ACADVL: variants seen among roughly 807,000 people sequenced by gnomAD.
The protein encoded by ACADVL is acyl-CoA dehydrogenase very long chain, also known as very long-chain acyl-CoA dehydrogenase, mitochondrial.
ACADVL carries 73 observed loss-of-function variants against 80.4 expected under a neutral mutation model. That is an observed-to-expected ratio of 0.91 (90% CI 0.75 to 1.10). ACADVL has a LOEUF of 1.10. ACADVL is among the 50% of genes least tolerant of loss of function. The probability of loss-of-function intolerance (pLI) is 0.00; values close to 1 mark genes in which losing one functional copy is unlikely to be tolerated. For missense variants in ACADVL, 878 were observed against 858.9 expected (o/e 1.02, Z -0.28); for synonymous variants, 392 against 326.5 (o/e 1.20, Z -2.16).
At position 7,219,969 on chromosome 17, in the gene ACADVL, C is replaced by G; in HGVS notation, c.-16C>G. On this transcript the variant is annotated 5_prime_UTR_variant, in exon 1 of 20. Coordinates refer to ENST00000356839, the MANE Select transcript of ACADVL (RefSeq NM_000018.4). ...GGGTCAGAGCTCGAGCCAGCGGCGCCCGGAGAGATTCGGAGATGCAGGCGG... is the reference window on the plus strand; with the variant it reads ...GGGTCAGAGCTCGAGCCAGCGGCGCGCGGAGAGATTCGGAGATGCAGGCGG... The G allele has an allele frequency of 1.3e-6, 2 of 1,597,366 alleles. No individual in the cohort carries two copies. The highest frequency in any genetic ancestry group is 8.5e-7 in the Non-Finnish European group (1 of 1,176,032).
At position 7,224,247 on chromosome 17, in the gene ACADVL, G is replaced by T. The variant is rs1384916067; in HGVS notation, c.1532+4G>T. The T allele has an allele frequency of 1.9e-6, 3 of 1,613,788 alleles. No individual in the cohort carries two copies. In the South Asian group the frequency reaches 3.3e-5, roughly 18 times the overall value. On this transcript the variant is annotated splice_donor_region_variant and intron_variant, in intron 15 of 19. Coordinates refer to ENST00000356839, the MANE Select transcript of ACADVL (RefSeq NM_000018.4). ...AGGCAGGCAAACAGCTGAGGCGGTA[G>T]GCTTAGGGCCAGAGCCAGGGGAGGG... is the stretch of plus-strand genomic sequence containing the variant.
In ACADVL at chr17:7,222,258, G is replaced by A. The variant is rs1423519889; in HGVS notation, c.834G>A (p.Lys278=). The change falls in exon 9 of 20, where the codon AAG becomes AAA. Residue 278 remains lysine (K), a synonymous_variant. Coordinates refer to ENST00000356839, the MANE Select transcript of ACADVL (RefSeq NM_000018.4). The part of the protein sequence containing the change: ...TDPATGAVKE[K]ITAFVVERGF... ...CAGCCACAGGAGCCGTGAAGGAGAA[G>A]ATCACAGCTTTTGTGGTGGAGAGGG... 1 of 1,614,134 alleles carries A rather than the reference G, an allele frequency of 6.2e-7. No individual in the cohort carries two copies. Among genetic ancestry groups the A allele is most frequent in the Non-Finnish European group, 8.5e-7 (1 of 1,180,014 alleles).
At chr17:7,221,791 A>C in intron 7 of ACADVL, 109 bp downstream of exon 7, 1 of 1,596,008 alleles carries the variant, frequency 6.3e-7, no homozygotes. Context: ...AGTTGGGGGA[A>C]GGTTTTGGGG....
At chr17:7,221,894 G>T in intron 7 of ACADVL, 58 bp from the exon 8 acceptor site, 1 of 1,613,288 alleles carries the variant, frequency 6.2e-7, no homozygotes, top group Non-Finnish European at 8.5e-7. Context: ...GGGGAAGTGG[G>T]CCGAGGGGAC....
Position 7,224,797 on chromosome 17 carries a change from G to T in ACADVL, c.1752-12G>T. The T allele has an allele frequency of 6.2e-7, 1 of 1,614,022 alleles. No homozygotes were observed. Among genetic ancestry groups the T allele is most frequent in the Non-Finnish European group, 8.5e-7 (1 of 1,180,024 alleles). ...CGGCCCAGATTTATTTTCATCTCCTGCTTCCTGCCAGGGCCTCAAGATCCC... is the reference window on the plus strand; with the variant it reads ...CGGCCCAGATTTATTTTCATCTCCTTCTTCCTGCCAGGGCCTCAAGATCCC... On this transcript the variant is annotated splice_polypyrimidine_tract_variant and intron_variant, in intron 18 of 19. Coordinates refer to ENST00000356839, the MANE Select transcript of ACADVL (RefSeq NM_000018.4).
chr17:7,221,513 C>T (rs901642503), intron 6 of ACADVL, 25 bp from the exon 7 acceptor site: 5 of 1,611,266 alleles, frequency 3.1e-6, no homozygotes, highest in Non-Finnish European at 3.4e-6. Context: ...CCAGTGACAA[C>T]CCCAGATTCC....
upstream of ACADVL, chr17:7,217,544 G>C: frequency 1.3e-6 from 1 of 773,082 alleles, no homozygotes; most frequent in Non-Finnish European, 1.5e-6. Flanking sequence ...GCTAGGGGCC[G>C]TGGCGGGGGA....
upstream of ACADVL, chr17:7,218,882 C>T (rs1276962981): frequency 3.1e-6 from 5 of 1,612,670 alleles, no homozygotes; most frequent in East Asian, 6.7e-5. Flanking sequence ...CTCCCTAATC[C>T]TCCAGGATTG....
At chr17:7,218,657 G>A, upstream of ACADVL, 2 of 1,556,244 alleles carry the variant, frequency 1.3e-6, no homozygotes, top group South Asian at 1.2e-5. Context: ...GATGCAAGGA[G>A]AATTGGGACA....
chr17:7,222,059 A>C lies in ACADVL; in HGVS notation c.730A>C (p.Asn244His). Residue 244 changes from asparagine (N) to histidine (H), a missense_variant, in exon 8 of 20, where the codon AAT becomes CAT. Transcript: ENST00000356839. ...PSPCGKYYTL[N>H]GSKLWISNGG... is the part of the protein sequence containing the mutation. ...CCCCTGTGGAAAATACTATACCCTC[A>C]ATGGAAGCAAGCTTTGGATCAGGCA... 1 of 1,614,024 alleles carries C rather than the reference A, an allele frequency of 6.2e-7. No individual in the cohort carries two copies. Among genetic ancestry groups the C allele is most frequent in the Non-Finnish European group, 8.5e-7 (1 of 1,179,990 alleles).
At chr17:7,219,667 G>T (rs950368507), upstream of ACADVL, 2 of 1,302,034 alleles carry the variant, frequency 1.5e-6, no homozygotes, top group Admixed American at 6.6e-5. Context: ...CCATCCCTCT[G>T]GCTGCAGTGA....
At chr17:7,223,377 C>A (rs753026180) in intron 11 of ACADVL, 140 bp downstream of exon 11, 2 of 894,868 alleles carry the variant, frequency 2.2e-6, no homozygotes, top group Non-Finnish European at 3.7e-6. Flanking sequence ...GAGGCATAGT[C>A]AGCTCAGCTT....
chr17:7,218,380 C>G, upstream of ACADVL: 1 of 1,442,462 alleles, frequency 6.9e-7, no homozygotes, highest in Non-Finnish European at 9.5e-7. Context: ...AAGGGAGGAG[C>G]CCTTTCAGCC....
At chr17:7,218,377 G>T, upstream of ACADVL, 1 of 1,452,954 alleles carries the variant, frequency 6.9e-7, no homozygotes, top group Non-Finnish European at 9.5e-7. Flanking sequence ...GGCAAGGGAG[G>T]AGCCCTTTCA....
chr17:7,218,780 C>T (rs1007989370), upstream of ACADVL: 6 of 1,609,178 alleles, frequency 3.7e-6, no homozygotes, highest in Non-Finnish European at 4.3e-6. Flanking sequence ...CGAGCCCCAG[C>T]CCCCCACTTC....
chr17:7,220,608 C>A lies in ACADVL; in HGVS notation c.209C>A (p.Ser70Tyr). The change falls in exon 4 of 20, where the codon TCT (serine) becomes TAT (tyrosine). Residue 70 changes from serine (S) to tyrosine (Y), a missense_variant. Physicochemically the swap from Ser to Tyr is moderately radical, Grantham distance 144. Transcript: ENST00000356839. Reference sequence around the variant, plus strand: ...AATTTGCCTCTCTCTGCCCAGGAATCTAAGTCCTTTGCTGTGGGAATGTTC... The same window carrying A: ...AATTTGCCTCTCTCTGCCCAGGAATATAAGTCCTTTGCTGTGGGAATGTTC... The part of the protein sequence containing the change: ...LTRKKPAKAE[S>Y]KSFAVGMFKG... The A allele has an allele frequency of 1.2e-6, 2 of 1,614,236 alleles. No homozygotes were observed. Among genetic ancestry groups the A allele is most frequent in the South Asian group, 2.2e-5 (2 of 91,084 alleles).
intron 2 of ACADVL, 124 bp from the exon 3 acceptor site, chr17:7,220,340 C>G (rs1206754919): frequency 6.5e-7 from 1 of 1,546,152 alleles, no homozygotes. Context: ...AGCCAGGGTG[C>G]CCTAGGGCGA....
chr17:7,224,239 A>C lies in ACADVL; in HGVS notation c.1528A>C (p.Arg510=). Residue 510 remains arginine (R), a synonymous_variant, in exon 15 of 20, where the codon AGG becomes CGG. Coordinates refer to ENST00000356839, the MANE Select transcript of ACADVL (RefSeq NM_000018.4). ...LLLGEAGKQL[R]RRAGLGSGLS... is the part of the protein sequence containing the mutation. The stretch of plus-strand genomic sequence containing the variant: ...GCTAGGAGAGGCAGGCAAACAGCTG[A>C]GGCGGTAGGCTTAGGGCCAGAGCCA... 1 of 1,613,856 alleles carries C rather than the reference A, an allele frequency of 6.2e-7. No individual in the cohort carries two copies. Among genetic ancestry groups the C allele is most frequent in the Non-Finnish European group, 8.5e-7 (1 of 1,180,014 alleles).
At position 7,220,964 on chromosome 17, in the gene ACADVL, T is replaced by C. The variant is rs763355567; in HGVS notation, c.383T>C (p.Val128Ala). The change falls in exon 6 of 20, where the codon GTG becomes GCG. Residue 128 changes from valine (V) to alanine (A), a missense_variant. Transcript: ENST00000356839. ...DPAKNDALEM[V>A]EETTWQGLKE... ...GCCAAGAATGACGCTCTGGAGATGG[T>C]GGAGGAGACCACTTGGCAGGGCCTC... The C allele has an allele frequency of 1.9e-6, 3 of 1,614,012 alleles. No individual in the cohort carries two copies. Among genetic ancestry groups the C allele is most frequent in the Non-Finnish European group, 2.5e-6 (3 of 1,180,014 alleles).
Sources: gnomAD v4.1 joint callset for allele counts on GRCh38, gnomAD v4.1.1 for gene constraint, MANE v1.5 for transcripts, NCBI Gene and HGNC (gene_info 2026-07-23, HGNC 2026-07-21) for gene names.